AFG2A: variants seen among roughly 807,000 people sequenced by gnomAD.
AFG2A encodes ATPase family gene 2 protein homolog A.
the AFG2A span, among the ~76,000 whole-genome samples, chr4:123,243,988 G>A: frequency 6.6e-6 from 1 of 152,044 alleles, no homozygotes; most frequent in African/African-American, 2.4e-5. Context: ...CGCTACTGCA[G>A]TCCAGCATGG....
At chr4:123,285,570 C>T in the AFG2A span, among the ~76,000 whole-genome samples, 1 of 152,110 alleles carries the variant, frequency 6.6e-6, no homozygotes, top group Non-Finnish European at 1.5e-5. Context: ...GGAGTGTGCA[C>T]TCCCATGGAG....
chr4:123,019,314 G>T, the AFG2A span, among the ~76,000 whole-genome samples: 1 of 151,306 alleles, frequency 6.6e-6, no homozygotes, highest in Non-Finnish European at 1.5e-5. Context: ...CTAAATTTTA[G>T]AAGATATTTA....
chr4:123,240,711 CAATT>C, the AFG2A span, among the ~76,000 whole-genome samples: 1 of 151,986 alleles, frequency 6.6e-6, no homozygotes, highest in East Asian at 1.9e-4. Flanking sequence ...CCTGACATCA[CAATT>C]AAAAGAACTA....
chr4:122,996,644 G>A, the AFG2A span, among the ~76,000 whole-genome samples: 7 of 151,588 alleles, frequency 4.6e-5, no homozygotes, highest in Admixed American at 1.3e-4. Context: ...TTTATTAGGG[G>A]AATTGGCTCA....
At chr4:123,147,101 A>T in the AFG2A span, among the ~76,000 whole-genome samples, 1 of 152,162 alleles carries the variant, frequency 6.6e-6, no homozygotes, top group African/African-American at 2.4e-5. Context: ...CTCTTCTGTT[A>T]TCTTACTCTA....
At chr4:123,261,705 C>T in the AFG2A span, among the ~76,000 whole-genome samples, 1 of 152,128 alleles carries the variant, frequency 6.6e-6, no homozygotes, top group African/African-American at 2.4e-5. Context: ...ACCACCCCAC[C>T]AATAAATAGC....
At chr4:123,229,161 T>G in the AFG2A span, among the ~76,000 whole-genome samples, 3 of 152,116 alleles carry the variant, frequency 2.0e-5, no homozygotes, top group Admixed American at 2.0e-4. Flanking sequence ...ATAAGTAGTC[T>G]AAGTGTTCTG....
At chr4:123,118,329 AATATATAT>A in the AFG2A span, among the ~76,000 whole-genome samples, 100 of 64,186 alleles carry the variant, frequency 1.6e-3, no homozygotes, top group African/African-American at 3.5e-3. Flanking sequence ...TATTATATAT[AATATATAT>A]ATTATATTAT....
the AFG2A span, among the ~76,000 whole-genome samples, chr4:123,173,171 A>G: frequency 6.6e-6 from 1 of 151,906 alleles, no homozygotes; most frequent in African/African-American, 2.4e-5. Flanking sequence ...CCTGTCTCAT[A>G]TGGATGCTTT....
the AFG2A span, among the ~76,000 whole-genome samples, chr4:123,166,164 T>C: frequency 6.6e-6 from 1 of 152,150 alleles, no homozygotes; most frequent in African/African-American, 2.4e-5. Context: ...TCTGTTAAGG[T>C]GTTGACAAAG....
chr4:122,935,747 G>A, the AFG2A span: 1 of 1,610,868 alleles, frequency 6.2e-7, no homozygotes, highest in Non-Finnish European at 8.5e-7. Flanking sequence ...TTACTTTATG[G>A]TCCTCCAGGT....
the AFG2A span, among the ~76,000 whole-genome samples, chr4:122,939,975 G>A: frequency 1.3e-5 from 2 of 152,124 alleles, no homozygotes; most frequent in African/African-American, 4.8e-5. Flanking sequence ...CATTTTTTAT[G>A]GCTGCATAGT....
chr4:123,250,763 G>A, the AFG2A span, among the ~76,000 whole-genome samples: 6 of 152,112 alleles, frequency 3.9e-5, no homozygotes, highest in African/African-American at 1.2e-4. Context: ...CATGGCCTTG[G>A]AGCCATAGGG....
chr4:123,312,168 A>C, the AFG2A span, among the ~76,000 whole-genome samples: 1 of 152,358 alleles, frequency 6.6e-6, no homozygotes, highest in Non-Finnish European at 1.5e-5. Context: ...GTCATATAGC[A>C]AATGAAATAG....
At chr4:123,081,052 A>G in the AFG2A span, among the ~76,000 whole-genome samples, 4 of 152,132 alleles carry the variant, frequency 2.6e-5, no homozygotes, top group Non-Finnish European at 5.9e-5. Context: ...AGCTGTTAAC[A>G]TCCTGTGGGA....
the AFG2A span, among the ~76,000 whole-genome samples, chr4:123,097,970 G>C: frequency 1.3e-5 from 2 of 152,056 alleles, no homozygotes; most frequent in East Asian, 3.9e-4. Context: ...ATGAAATTCA[G>C]CTTTCAGTCC....
At chr4:123,308,569 A>T in the AFG2A span, among the ~76,000 whole-genome samples, 1 of 152,134 alleles carries the variant, frequency 6.6e-6, no homozygotes, top group African/African-American at 2.4e-5. Context: ...TCCTTATGAG[A>T]GTCTAATGCC....
At chr4:123,063,732 C>T in the AFG2A span, among the ~76,000 whole-genome samples, 157 of 150,242 alleles carry the variant, frequency 1.0e-3, 1 homozygote, top group African/African-American at 3.6e-3. Context: ...GGTGACAGAG[C>T]GAGACTGTCT....
the AFG2A span, among the ~76,000 whole-genome samples, chr4:123,175,627 A>G: frequency 6.6e-6 from 1 of 152,236 alleles, no homozygotes; most frequent in South Asian, 2.1e-4. Flanking sequence ...GTCACCCAGA[A>G]GTGCCATTTC....
Sources: gnomAD v4.1 joint callset for allele counts (sites outside exome capture counted in the v4.1 genomes callset) on GRCh38, gnomAD v4.1.1 for gene constraint, MANE v1.5 for transcripts, NCBI Gene and HGNC (gene_info 2026-07-23, HGNC 2026-07-21) for gene names.